CSMD1: variants seen among roughly 807,000 people sequenced by gnomAD.
CSMD1 encodes the protein CUB and Sushi multiple domains 1.
Under a neutral mutation model 417.5 loss-of-function variants are expected in CSMD1, and 213 were observed. The observed-to-expected ratio is 0.51, with a 90% CI of 0.46 to 0.57. The LOEUF (loss-of-function observed/expected upper bound fraction) is 0.57. Among genes scored for constraint, CSMD1 ranks in the 20% least tolerant of loss-of-function variants. CSMD1 has a pLI of 0.00. For missense variants in CSMD1, 6,923 were observed against 4,529.7 expected (o/e 1.53, Z -15.17); for synonymous variants, 2,862 against 1,736.8 (o/e 1.65, Z -16.11).
intron 4 of CSMD1, among the ~76,000 whole-genome samples, chr8:4,029,732 A>G (rs1042008915): frequency 3.3e-5 from 5 of 152,212 alleles, no homozygotes; most frequent in Non-Finnish European, 7.3e-5. Context: ...GTCTTAACTT[A>G]TTTCAGCATT....
chr8:3,712,157 G>T (rs1420798684), intron 6 of CSMD1, among the ~76,000 whole-genome samples: 1 of 85,400 alleles, frequency 1.2e-5, no homozygotes, highest in African/African-American at 4.0e-5. Context: ...TTTGTTTCAA[G>T]TTACTACGTT....
chr8:3,923,902 T>G (rs887073293), intron 5 of CSMD1, among the ~76,000 whole-genome samples: 2 of 152,208 alleles, frequency 1.3e-5, no homozygotes, highest in African/African-American at 2.4e-5. Context: ...TTAAAATATA[T>G]TGTCCTTTAA....
chr8:4,184,683 C>G (rs1003730460), intron 3 of CSMD1, among the ~76,000 whole-genome samples: 5 of 152,028 alleles, frequency 3.3e-5, no homozygotes, highest in Admixed American at 2.6e-4. Flanking sequence ...AGGGAAACAA[C>G]AGACACCAGA....
chr8:4,208,260 T>C (rs183424024), intron 3 of CSMD1, among the ~76,000 whole-genome samples: 10 of 152,128 alleles, frequency 6.6e-5, no homozygotes, highest in Non-Finnish European at 8.8e-5. Flanking sequence ...GCCTTCTCGG[T>C]CAAATACACA....
In CSMD1 at chr8:4,261,720, C is replaced by G. The variant is rs971282280; in HGVS notation, c.415+158233G>C. ...TCACCTCTTCTGGCTGAGAGCAGAT[C>G]TTAAATGCCCCCATCACACACAGAA... On this transcript the variant is annotated intron_variant, in intron 3 of 69. Transcript: ENST00000635120. 2.0e-4 allele frequency among the ~76,000 whole-genome samples: 30 copies of G among 151,992 alleles called. 1 individual carries two copies. The highest frequency in any genetic ancestry group is 4.4e-5 in the Non-Finnish European group (3 of 67,964).
At chr8:3,979,790 G>A (rs1236307221) in intron 5 of CSMD1, among the ~76,000 whole-genome samples, 2 of 152,192 alleles carry the variant, frequency 1.3e-5, no homozygotes, top group Non-Finnish European at 2.9e-5. Context: ...GCCACCGTCT[G>A]TGGTATCTTG....
At chr8:3,819,965 G>C (rs146886048) in intron 5 of CSMD1, among the ~76,000 whole-genome samples, 1 of 152,102 alleles carries the variant, frequency 6.6e-6, no homozygotes, top group South Asian at 2.1e-4. Flanking sequence ...ATCGTTTCCC[G>C]AATTGCTGTC....
At chr8:3,197,390 TATGA>T (rs1360235303) in intron 33 of CSMD1, among the ~76,000 whole-genome samples, 2 of 150,890 alleles carry the variant, frequency 1.3e-5, no homozygotes, top group African/African-American at 4.9e-5. Context: ...TGAATTTGTT[TATGA>T]ATGAATGAAG....
At chr8:3,073,851 T>C (rs1220436982) in intron 49 of CSMD1, among the ~76,000 whole-genome samples, 5 of 151,780 alleles carry the variant, frequency 3.3e-5, no homozygotes, top group Non-Finnish European at 7.4e-5. Flanking sequence ...ATGGAAACAA[T>C]GAGTGATTTT....
At chr8:4,313,840 C>G (rs112452921) in intron 3 of CSMD1, among the ~76,000 whole-genome samples, 2 of 151,832 alleles carry the variant, frequency 1.3e-5, no homozygotes, top group Admixed American at 6.6e-5. Context: ...ATGGTGAAAC[C>G]TCATCTCTAC....
At chr8:3,348,946 G>C (rs1299269977) in intron 21 of CSMD1, among the ~76,000 whole-genome samples, 5 of 152,160 alleles carry the variant, frequency 3.3e-5, no homozygotes. Flanking sequence ...AAAACTCTAA[G>C]TCCAATACGA....
At chr8:3,776,366 C>A (rs756854374) in intron 5 of CSMD1, among the ~76,000 whole-genome samples, 1 of 152,202 alleles carries the variant, frequency 6.6e-6, no homozygotes, top group South Asian at 2.1e-4. Context: ...ACCTGTCTCA[C>A]TGAGAGTAAA....
At chr8:2,948,699 A>G (rs995490301) in intron 68 of CSMD1, among the ~76,000 whole-genome samples, 5 of 152,140 alleles carry the variant, frequency 3.3e-5, no homozygotes, top group African/African-American at 1.2e-4. Flanking sequence ...ACACGCCTGA[A>G]TATGCAGAAA....
At chr8:3,231,437 G>A (rs576886245) in intron 26 of CSMD1, among the ~76,000 whole-genome samples, 23 of 152,236 alleles carry the variant, frequency 1.5e-4, no homozygotes, top group South Asian at 4.1e-4. Context: ...AATATTTGAA[G>A]CCTTAAAGTA....
intron 1 of CSMD1, among the ~76,000 whole-genome samples, chr8:4,721,549 C>T (rs564801499): frequency 1.3e-5 from 2 of 152,136 alleles, no homozygotes; most frequent in Admixed American, 1.3e-4. Flanking sequence ...ATTATCAAAA[C>T]AATGAAAGAT....
At chr8:3,814,946 C>G (rs554125771) in intron 5 of CSMD1, among the ~76,000 whole-genome samples, 1 of 151,870 alleles carries the variant, frequency 6.6e-6, no homozygotes, top group Non-Finnish European at 1.5e-5. Context: ...AGTCAGCCAT[C>G]CCAAAAAAAT....
intron 8 of CSMD1, among the ~76,000 whole-genome samples, chr8:3,608,974 T>C (rs1461120103): frequency 2.0e-5 from 3 of 152,134 alleles, no homozygotes; most frequent in African/African-American, 7.2e-5. Flanking sequence ...CCTTGACTCC[T>C]CATTGGCTAC....
At chr8:4,146,594 A>ATTTTTTTTTTTTTTTTTTT (rs71205423) in intron 3 of CSMD1, among the ~76,000 whole-genome samples, 1 of 64,244 alleles carries the variant, frequency 1.6e-5, no homozygotes. Flanking sequence ...ATATGGACAC[A>ATTTTTTTTTTTTTTTTTTT]TTTTTTTTTT....
At chr8:3,832,448 T>C (rs971104801) in intron 5 of CSMD1, among the ~76,000 whole-genome samples, 1 of 152,222 alleles carries the variant, frequency 6.6e-6, no homozygotes, top group Non-Finnish European at 1.5e-5. Context: ...AAAGCGATTA[T>C]GTAAGATAAG....
Sources: gnomAD v4.1 joint callset for allele counts (sites outside exome capture counted in the v4.1 genomes callset) on GRCh38, gnomAD v4.1.1 for gene constraint, MANE v1.5 for transcripts, NCBI Gene and HGNC (gene_info 2026-07-23, HGNC 2026-07-21) for gene names.